Variants in RNF130 observed in about 807,000 individuals in gnomAD.
RNF130 encodes ring finger protein 130.
A neutral mutation model predicts 44.6 loss-of-function variants in RNF130; 21 were observed. The observed-to-expected ratio is 0.47, with a 90% CI of 0.33 to 0.68. The LOEUF (loss-of-function observed/expected upper bound fraction) is 0.68, where lower values mean the gene tolerates loss of function less well. Ranked by LOEUF, RNF130 falls within the 30% of genes least tolerant of loss-of-function variation. The pLI is 0.02. For missense variants in RNF130, 479 were observed against 560.6 expected, an observed-to-expected ratio of 0.85 and a Z score of 1.47; for synonymous variants, 214 against 210.4, an observed-to-expected ratio of 1.02 and a Z score of -0.15.
At chr5:179,948,513 A>T (rs1253211514) in intron 7 of RNF130, among the ~76,000 whole-genome samples, 1 of 152,166 alleles carries the variant, frequency 6.6e-6, no homozygotes, top group Non-Finnish European at 1.5e-5. Flanking sequence ...TCTACTAAAA[A>T]TACAAAAATT....
At chr5:179,969,887 A>T (rs966228659) in intron 6 of RNF130, among the ~76,000 whole-genome samples, 1 of 152,192 alleles carries the variant, frequency 6.6e-6, no homozygotes, top group Non-Finnish European at 1.5e-5. Flanking sequence ...GCTACTCAGA[A>T]GGCTGAGGCA....
At chr5:180,002,309 C>T (rs1234793964) in intron 3 of RNF130, among the ~76,000 whole-genome samples, 2 of 152,198 alleles carry the variant, frequency 1.3e-5, no homozygotes, top group African/African-American at 2.4e-5. Flanking sequence ...TGCTGGCCCC[C>T]GAGGAACAGA....
In RNF130 at chr5:180,071,646, G is replaced by A. The variant is rs1262167534; in HGVS notation, c.57C>T (p.Thr19=). 2 of 1,483,468 alleles carry A rather than the reference G, an allele frequency of 1.3e-6. No individual in the cohort carries two copies. The highest frequency in any genetic ancestry group is 2.2e-5 in the Admixed American group (1 of 46,088). The allele number at this position is 1,483,468 out of a possible 1,614,324, so 91.9% of individuals were successfully genotyped here. The change falls in exon 1 of 9, where the codon ACC becomes ACT. Residue 19 remains threonine (T), a synonymous_variant. Coordinates refer to ENST00000521389, the MANE Select transcript of RNF130 (RefSeq NM_018434.6). ...PARLAALALL[T]CSLWPARADN... is the part of the protein sequence containing the mutation. Reference sequence around the variant, plus strand: ...CTGCCCGTGCCGGCCACAGGCTGCAGGTCAGCAGGGCGAGCGCGGCGAGCC... The same window carrying A: ...CTGCCCGTGCCGGCCACAGGCTGCAAGTCAGCAGGGCGAGCGCGGCGAGCC...
chr5:180,036,429 A>T (rs900929852), intron 2 of RNF130, among the ~76,000 whole-genome samples: 4 of 152,126 alleles, frequency 2.6e-5, no homozygotes, highest in African/African-American at 9.7e-5. Context: ...ACCACTGCAA[A>T]CAGAAACTGC....
In RNF130 at chr5:179,967,021, T is replaced by C. The variant is rs753573691; in HGVS notation, c.946-11A>G. 6.2e-7 allele frequency: 1 copy of C among 1,605,902 alleles called. No homozygotes were observed. Among genetic ancestry groups the C allele is most frequent in the Non-Finnish European group, 8.5e-7 (1 of 1,174,742 alleles). On this transcript the variant is annotated splice_polypyrimidine_tract_variant and intron_variant, in intron 6 of 8. Coordinates refer to ENST00000521389, the MANE Select transcript of RNF130 (RefSeq NM_018434.6). ...ACATGGCAAATTCGGCTGCAAAATA[T>C]TTCCAGGTTAAAAATAATTGTAAGG...
At chr5:179,950,088 CA>C (rs1762102767), downstream of RNF130, among the ~76,000 whole-genome samples, 1 of 152,090 alleles carries the variant, frequency 6.6e-6, no homozygotes, top group Admixed American at 6.6e-5. Flanking sequence ...TTAAGGTTGA[CA>C]GTTGATAGCA....
intron 7 of RNF130, chr5:179,939,644 A>C: frequency 2.2e-6 from 1 of 464,924 alleles, no homozygotes; most frequent in Non-Finnish European, 4.3e-6. Context: ...CGTGGAAGAG[A>C]ATGAAGTGAG....
chr5:180,055,609 C>T (rs539826424), intron 1 of RNF130, among the ~76,000 whole-genome samples: 29 of 152,274 alleles, frequency 1.9e-4, no homozygotes, highest in African/African-American at 6.7e-4. Context: ...TCAGATAATA[C>T]TGCCAACAGT....
chr5:179,945,167 G>A (rs1181965086), intron 7 of RNF130, among the ~76,000 whole-genome samples: 1 of 152,206 alleles, frequency 6.6e-6, no homozygotes, highest in African/African-American at 2.4e-5. Flanking sequence ...AACGGCCACT[G>A]GAGGTGAGGC....
At chr5:180,023,216 T>C (rs1218131519) in intron 2 of RNF130, among the ~76,000 whole-genome samples, 1 of 152,224 alleles carries the variant, frequency 6.6e-6, no homozygotes, top group Non-Finnish European at 1.5e-5. Flanking sequence ...TGCAGATGAT[T>C]ACAGATAGAA....
rs1762826116 is a variant in RNF130 at position 179,981,082 on chromosome 5, C to CGTAGGGTTAGGAGGGGGTTCCGGGT, written c.694-907_694-883dup. ...CTGGGAAGGGGTTAGATGGGAAAGG[C>CGTAGGGTTAGGAGGGGGTTCCGGGT]GTAGGGTTAGGAGGGGGTTCCGGGT... On this transcript the variant is annotated intron_variant, in intron 3 of 8. Coordinates refer to ENST00000521389, the MANE Select transcript of RNF130 (RefSeq NM_018434.6). Among the ~76,000 whole-genome samples the CGTAGGGTTAGGAGGGGGTTCCGGGT allele has an allele frequency of 2.6e-5, 4 of 151,716 alleles. No individual in the cohort carries two copies. In the South Asian group the frequency reaches 8.3e-4, roughly 32 times the overall value.
At chr5:179,988,325 G>A (rs952128823) in intron 3 of RNF130, among the ~76,000 whole-genome samples, 17 of 151,972 alleles carry the variant, frequency 1.1e-4, no homozygotes, top group African/African-American at 4.1e-4. Flanking sequence ...GCTTCTTTTA[G>A]CCATTTATCT....
chr5:180,055,160 C>T (rs965395442), intron 1 of RNF130, among the ~76,000 whole-genome samples: 5 of 147,080 alleles, frequency 3.4e-5, no homozygotes, highest in Non-Finnish European at 7.4e-5. Flanking sequence ...ATGGTGAAAA[C>T]CCATCTCTAC....
At chr5:180,024,132 C>T (rs1026445307) in intron 2 of RNF130, among the ~76,000 whole-genome samples, 1 of 152,144 alleles carries the variant, frequency 6.6e-6, no homozygotes, top group African/African-American at 2.4e-5. Context: ...GTCCTCAAAG[C>T]TGTCAAGGTC....
At chr5:179,984,337 G>A (rs1037599885) in intron 3 of RNF130, among the ~76,000 whole-genome samples, 6 of 152,078 alleles carry the variant, frequency 3.9e-5, no homozygotes, top group Admixed American at 2.0e-4. Context: ...GTGATCAGAG[G>A]ACACATTCTT....
chr5:179,938,401 G>A (rs1761927307), intron 7 of RNF130, among the ~76,000 whole-genome samples: 2 of 151,718 alleles, frequency 1.3e-5, no homozygotes, highest in South Asian at 2.1e-4. Context: ...GTCAGGGGCC[G>A]GGGGGATTGC....
Position 180,013,058 on chromosome 5 carries a change from C to T in RNF130, c.693+3G>A. On this transcript the variant is annotated splice_donor_region_variant and intron_variant, in intron 3 of 8. Transcript: ENST00000521389. ...ACCAATCACTGTTGAGTACTGAGCTCACCTGGTTCCTGTCGCGTGCATTTG... is the reference window on the plus strand; with the variant it reads ...ACCAATCACTGTTGAGTACTGAGCTTACCTGGTTCCTGTCGCGTGCATTTG... The T allele has an allele frequency of 6.2e-7, 1 of 1,611,892 alleles. No individual in the cohort carries two copies. Among genetic ancestry groups the T allele is most frequent in the Non-Finnish European group, 8.5e-7 (1 of 1,179,458 alleles).
intron 5 of RNF130, among the ~76,000 whole-genome samples, chr5:179,971,050 T>C (rs901880149): frequency 1.3e-5 from 2 of 152,186 alleles, no homozygotes; most frequent in African/African-American, 4.8e-5. Flanking sequence ...GTGCCTAGAT[T>C]CAAGTAACAC....
chr5:180,023,208 C>T (rs1010599867), intron 2 of RNF130, among the ~76,000 whole-genome samples: 1 of 152,174 alleles, frequency 6.6e-6, no homozygotes, highest in Non-Finnish European at 1.5e-5. Flanking sequence ...AATATCAATG[C>T]AGATGATTAC....
Sources: allele counts gnomAD v4.1 joint callset (sites outside exome capture counted in the v4.1 genomes callset), GRCh38; gene constraint gnomAD v4.1.1; transcripts MANE v1.5; gene names NCBI Gene and HGNC (gene_info 2026-07-23, HGNC 2026-07-21).